FRAS1: variants seen among roughly 807,000 people sequenced by gnomAD.
FRAS1 encodes extracellular matrix organizing protein FRAS1.
FRAS1 carries 290 observed loss-of-function variants against 435.2 expected under a neutral mutation model. That is an observed-to-expected ratio of 0.67 (90% CI 0.61 to 0.73). The LOEUF (loss-of-function observed/expected upper bound fraction) is 0.73. Ranked by LOEUF, FRAS1 falls within the 30% of genes least tolerant of loss-of-function variation. The probability of loss-of-function intolerance (pLI) is 0.00; values close to 1 mark genes in which losing one functional copy is unlikely to be tolerated. For synonymous variants in FRAS1, 1,800 were observed against 1,851.0 expected (o/e 0.97, Z 0.71); for missense variants, 4,860 against 5,001.5 (o/e 0.97, Z 0.85).
At chr4:78,178,869 T>C (rs116357787) in intron 2 of FRAS1, among the ~76,000 whole-genome samples, 2,499 of 152,300 alleles carry the variant, frequency 0.016, 69 homozygotes, top group African/African-American at 0.056. Context: ...GGATACTGTA[T>C]GTGGAGTACC....
intron 3 of FRAS1, among the ~76,000 whole-genome samples, chr4:78,239,270 A>G (rs1724900095): frequency 6.7e-6 from 1 of 148,390 alleles, no homozygotes; most frequent in African/African-American, 2.6e-5. Flanking sequence ...CCAAAAACTT[A>G]ACATCACTTT....
At chr4:78,384,907 C>CAAAAAAA (rs11315732) in intron 28 of FRAS1, among the ~76,000 whole-genome samples, 1 of 101,774 alleles carries the variant, frequency 9.8e-6, no homozygotes, top group Non-Finnish European at 1.9e-5. Context: ...GACCCTGTCT[C>CAAAAAAA]AAAAAAAAAA....
At position 78,333,319 on chromosome 4, in the gene FRAS1, T is replaced by C; in HGVS notation, c.2185T>C (p.Cys729Arg). Residue 729 changes from cysteine to arginine, a missense_variant, in exon 19 of 74, where the codon TGC becomes CGC. By Grantham distance (180) the Cys-to-Arg change is radical. Transcript: ENST00000512123. ...FRCAGKSPHN[C>R]TDCGPSHVLL... ...ATGTGCAGGGAAAAGCCCACATAAC[T>C]GCACAGACTGTGGGCCTTCCCATGT... The C allele has an allele frequency of 6.2e-7, 1 of 1,612,576 alleles. No homozygotes were observed. Among genetic ancestry groups the C allele is most frequent in the Non-Finnish European group, 8.5e-7 (1 of 1,179,360 alleles).
intron 32 of FRAS1, among the ~76,000 whole-genome samples, chr4:78,417,247 C>A (rs1733587256): frequency 6.6e-6 from 1 of 152,212 alleles, no homozygotes; most frequent in South Asian, 2.1e-4. Context: ...AACATATTTC[C>A]CTTCCCACAG....
chr4:78,240,297 G>T (rs928716720), intron 3 of FRAS1, among the ~76,000 whole-genome samples: 1 of 152,166 alleles, frequency 6.6e-6, no homozygotes, highest in South Asian at 2.1e-4. Flanking sequence ...CAGTTCAGAG[G>T]CTGAGAGAAT....
Position 78,411,259 on chromosome 4 carries a change from C to T in FRAS1, c.4309-1710C>T, listed in dbSNP as rs548728708. 6.6e-5 allele frequency among the ~76,000 whole-genome samples: 10 copies of T among 151,914 alleles called. No individual in the cohort carries two copies. In the South Asian group the frequency reaches 8.3e-4, roughly 13 times the overall value. On this transcript the variant is annotated intron_variant, in intron 31 of 73. Coordinates refer to ENST00000512123, the MANE Select transcript of FRAS1 (RefSeq NM_025074.7). ...CCGAGTAGCTGGGATTATAGGTGCC[C>T]GCCACCATGCCCAGCTAATTTTTTG...
chr4:78,407,283 C>T (rs944923479), intron 30 of FRAS1, among the ~76,000 whole-genome samples: 3 of 152,182 alleles, frequency 2.0e-5, no homozygotes, highest in Admixed American at 2.0e-4. Context: ...GGCTGGAAAA[C>T]ATTTTCTGTT....
intron 37 of FRAS1, 89 bp from the exon 38 acceptor site, chr4:78,432,268 A>C (rs1734244482): frequency 1.5e-6 from 2 of 1,332,122 alleles, no homozygotes; most frequent in Non-Finnish European, 1.0e-6. Context: ...TCCTATATGA[A>C]CCTTAAAGTC....
At chr4:78,387,826 A>G (rs772729284) in intron 29 of FRAS1, 125 bp downstream of exon 29, 72 of 640,284 alleles carry the variant, frequency 1.1e-4, no homozygotes, top group Admixed American at 3.2e-4. Flanking sequence ...AATATAACCT[A>G]TTATATAGAG....
At chr4:78,077,461 C>T (rs1327037658) in intron 2 of FRAS1, among the ~76,000 whole-genome samples, 1 of 151,798 alleles carries the variant, frequency 6.6e-6, no homozygotes, top group Non-Finnish European at 1.5e-5. Flanking sequence ...TGTATACATT[C>T]ACAGGGTGCA....
At position 78,057,346 on chromosome 4, in the gene FRAS1, G is replaced by A. The variant is rs923170121; in HGVS notation, c.-664G>A. 1.3e-5 allele frequency among the ~76,000 whole-genome samples: 2 copies of A among 152,160 alleles called. No homozygotes were observed. Among genetic ancestry groups the A allele is most frequent in the African/African-American group, 4.8e-5 (2 of 41,446 alleles). ...GTCTTTCCTCTGAAGCTTCCGAACA[G>A]TCTGCTTCAGGGAGCGCAGCCTGAG... On this transcript the variant is annotated 5_prime_UTR_variant, in exon 1 of 74. Transcript: ENST00000512123. The surrounding 1 kb of genome is among the most constrained non-coding windows in gnomAD (Gnocchi z 4.2).
intron 56 of FRAS1, among the ~76,000 whole-genome samples, chr4:78,481,553 C>A (rs2109859158): frequency 6.6e-6 from 1 of 152,340 alleles, no homozygotes; most frequent in South Asian, 2.1e-4. Context: ...CCTAAGGGCT[C>A]TCTCCAGCAC....
chr4:78,129,193 C>T (rs1451577352), intron 2 of FRAS1, among the ~76,000 whole-genome samples: 1 of 152,182 alleles, frequency 6.6e-6, no homozygotes, highest in Non-Finnish European at 1.5e-5. Flanking sequence ...TAGCGTGATG[C>T]CTCCAGCTTT....
At chr4:78,273,832 A>G (rs1219632410) in intron 9 of FRAS1, among the ~76,000 whole-genome samples, 2 of 152,214 alleles carry the variant, frequency 1.3e-5, no homozygotes, top group African/African-American at 2.4e-5. Flanking sequence ...GCCTCATAAA[A>G]TGAGTTAGGG....
chr4:78,121,067 T>A (rs746535703), intron 2 of FRAS1, among the ~76,000 whole-genome samples: 1 of 152,212 alleles, frequency 6.6e-6, no homozygotes, highest in Non-Finnish European at 1.5e-5. Context: ...CTACCAGGTC[T>A]CTCTGAGAAT....
intron 20 of FRAS1, among the ~76,000 whole-genome samples, chr4:78,342,819 T>C (rs1048380013): frequency 6.6e-6 from 1 of 152,168 alleles, no homozygotes; most frequent in African/African-American, 2.4e-5. Context: ...TCAAGGGTAA[T>C]ATTGCAGAGG....
chr4:78,195,148 A>T (rs919785997), intron 2 of FRAS1, among the ~76,000 whole-genome samples: 3 of 152,166 alleles, frequency 2.0e-5, no homozygotes, highest in Non-Finnish European at 4.4e-5. Context: ...GTCTCAGAGG[A>T]GTACCCGGCC....
intron 2 of FRAS1, chr4:78,181,893 T>C (rs1456352463): frequency 5.6e-6 from 9 of 1,611,608 alleles, no homozygotes; most frequent in Non-Finnish European, 7.6e-6. Context: ...GCTGCGCTCT[T>C]GGCCCCAGGG....
In FRAS1 at chr4:78,515,936, G is replaced by A. The variant is rs34063631; in HGVS notation, c.10312G>A (p.Val3438Met). 9.1e-4 allele frequency: 1,470 copies of A among 1,613,986 alleles called. 7 individuals carry two copies. The African/African-American group carries it at 0.016, about 17-fold the overall frequency. Residue 3438 changes from valine to methionine, a missense_variant, in exon 66 of 74, where the codon GTG (valine) becomes ATG (methionine). By Grantham distance (21) the Val-to-Met change is conservative (BLOSUM62 1). Transcript: ENST00000512123. ...CAAACACCTGAACCTGAAGAGCTGC[G>A]TGTGGACCTTTGATGCTTATTATGA... is the stretch of plus-strand genomic sequence containing the variant. ...LYKHLNLKSCVWTFDAYYDMT... is the reference protein window; with the variant it reads ...LYKHLNLKSCMWTFDAYYDMT...
Sources: allele counts gnomAD v4.1 joint callset (sites outside exome capture counted in the v4.1 genomes callset), GRCh38; gene constraint gnomAD v4.1.1; non-coding constraint Gnocchi (gnomAD v3.1); transcripts MANE v1.5; gene names NCBI Gene and HGNC (gene_info 2026-07-23, HGNC 2026-07-21).